The following KNDC1 variants were observed in gnomAD, a reference collection of about 807,000 sequenced individuals.
The protein encoded by KNDC1 is kinase non-catalytic C-lobe domain containing 1.
In KNDC1, 106 loss-of-function variants were observed where a neutral mutation model predicts 172.8. The ratio of observed to expected loss-of-function variants is 0.61; its 90% CI spans 0.52 to 0.72. The LOEUF is 0.72. Ranked by LOEUF, KNDC1 falls within the 30% of genes least tolerant of loss-of-function variation. The pLI is 0.00. For synonymous variants in KNDC1, 1,083 were observed against 1,062.2 expected, an observed-to-expected ratio of 1.02 and a Z score of -0.38; for missense variants, 2,325 against 2,394.5, an observed-to-expected ratio of 0.97 and a Z score of 0.61.
intron 6 of KNDC1, 32 bp downstream of exon 6, chr10:133,186,706 G>C (rs778768611): frequency 6.6e-7 from 1 of 1,507,754 alleles, no homozygotes; most frequent in African/African-American, 1.4e-5. Context: ...GTGGGTGGAG[G>C]GGTCGGCGGT....
intron 9 of KNDC1, among the ~76,000 whole-genome samples, chr10:133,190,220 C>T (rs11101622): frequency 0.39 from 59,438 of 152,078 alleles, 13,455 homozygotes; most frequent in South Asian, 0.65. Context: ...CTCCTCCCAC[C>T]GAGGAAGAGC....
chr10:133,201,964 C>A, intron 17 of KNDC1, 66 bp downstream of exon 17: 2 of 1,487,706 alleles, frequency 1.3e-6, no homozygotes, highest in South Asian at 2.4e-5. Flanking sequence ...GCTTCCTGGT[C>A]ACTGCAGGTG....
At position 133,198,740 on chromosome 10, in the gene KNDC1, G is replaced by A; in HGVS notation, c.2232G>A (p.Glu744=). 1 of 1,578,504 alleles carries A rather than the reference G, an allele frequency of 6.3e-7. No individual in the cohort carries two copies. Among genetic ancestry groups the A allele is most frequent in the South Asian group, 1.2e-5 (1 of 86,640 alleles). The change falls in exon 14 of 30, where the codon GAG becomes GAA. Residue 744 remains glutamate, a synonymous_variant. Transcript: ENST00000304613. The part of the protein sequence containing the change: ...PGPGPQGAAP[E]PLGASVQRDS... ...CGGGGCCACAGGGAGCAGCCCCAGAGCCTCTTGGGGCGTCAGTGCAGCGTG... is the reference window on the plus strand; with the variant it reads ...CGGGGCCACAGGGAGCAGCCCCAGAACCTCTTGGGGCGTCAGTGCAGCGTG...
intron 3 of KNDC1, among the ~76,000 whole-genome samples, chr10:133,176,117 T>C (rs1203222766): frequency 6.6e-6 from 1 of 150,926 alleles, no homozygotes; most frequent in African/African-American, 2.4e-5. Context: ...TTGATAGGTG[T>C]ATGAACAGGC....
chr10:133,213,606 G>C, intron 24 of KNDC1, 39 bp from the exon 25 acceptor site: 1 of 1,581,922 alleles, frequency 6.3e-7, no homozygotes, highest in Non-Finnish European at 8.7e-7. Context: ...GGCCCTAAGG[G>C]ATGGAAGCCT....
At chr10:133,167,607 C>A in intron 2 of KNDC1, 28 bp downstream of exon 2, 1 of 1,551,988 alleles carries the variant, frequency 6.4e-7, no homozygotes. Context: ...GTGGCGGCGG[C>A]GGCGGGCACG....
In KNDC1 at chr10:133,201,798, C is replaced by T; in HGVS notation, c.3287C>T (p.Ala1096Val). 7 of 1,525,292 alleles carry T rather than the reference C, an allele frequency of 4.6e-6. No individual in the cohort carries two copies. The highest frequency in any genetic ancestry group is 6.1e-6 in the Non-Finnish European group (7 of 1,139,160). The allele number at this position is 1,525,292 out of a possible 1,614,324, so 94.5% of individuals were successfully genotyped here. A position where few individuals can be genotyped will look rare whatever the true frequency, so the allele number is the denominator to read the frequency against. ...AGCTGCAGCCCCGGCTGGTGCAGCG[C>T]CTTCTACGAGGCCGACTGCTTCGGG... ...FQSCSPGWCS[A>V]FYEADCFGAD... Residue 1096 changes from alanine to valine, a missense_variant, in exon 17 of 30, where the codon GCC becomes GTC. Transcript: ENST00000304613.
intron 20 of KNDC1, 95 bp from the exon 21 acceptor site, chr10:133,210,514 GCA>G: frequency 4.1e-6 from 3 of 731,912 alleles, no homozygotes; most frequent in Admixed American, 1.8e-5. Context: ...CAAAGAAAAC[GCA>G]CACACACATA....
chr10:133,211,839 A>G lies in KNDC1; in HGVS notation c.4217A>G (p.Glu1406Gly). ...AACGCCCTCTGTAAGAGGCTCTCAG[A>G]GGACGGCATCTCCAGGAAGGTGGGG... ...PFNALCKRLS[E>G]DGISRKSFPW... The change falls in exon 23 of 30, where the codon GAG becomes GGG. Residue 1406 changes from glutamate (E) to glycine (G), a missense_variant. Transcript: ENST00000304613. 6.2e-7 allele frequency: 1 copy of G among 1,607,868 alleles called. No homozygotes were observed. The highest frequency in any genetic ancestry group is 1.7e-4 in the Middle Eastern group (1 of 6,034).
intron 3 of KNDC1, among the ~76,000 whole-genome samples, chr10:133,172,469 G>A (rs958130540): frequency 1.3e-5 from 2 of 152,076 alleles, no homozygotes; most frequent in African/African-American, 2.4e-5. Context: ...ATTTACTAAC[G>A]CTTGCTTCAG....
chr10:133,177,997 CATGT>C (rs1042505601), intron 3 of KNDC1, among the ~76,000 whole-genome samples: 1 of 128,718 alleles, frequency 7.8e-6, no homozygotes. Context: ...GTGTGGTGTG[CATGT>C]ATGTGGTGTG....
At chr10:133,217,381 C>T (rs925564872) in intron 26 of KNDC1, among the ~76,000 whole-genome samples, 1 of 152,250 alleles carries the variant, frequency 6.6e-6, no homozygotes, top group Non-Finnish European at 1.5e-5. Flanking sequence ...GGGGTGAGCC[C>T]AGGATCACAT....
chr10:133,168,764 C>T (rs1307114610), intron 3 of KNDC1, among the ~76,000 whole-genome samples: 1 of 152,256 alleles, frequency 6.6e-6, no homozygotes, highest in Non-Finnish European at 1.5e-5. Context: ...AGACACAAGG[C>T]CTCCAGGCAC....
Position 133,206,863 on chromosome 10 carries a change from C to T in KNDC1, c.3489C>T (p.Asp1163=), listed in dbSNP as rs1265831878. ...LQKEKRNKGS[D]VKTMLSKLKG... is the part of the protein sequence containing the mutation. ...ACTCTGCTCCACCCACAGGTTCCGACGTCAAGACCATGCTGTCCAAGCTGA... is the reference window on the plus strand; with the variant it reads ...ACTCTGCTCCACCCACAGGTTCCGATGTCAAGACCATGCTGTCCAAGCTGA... The change falls in exon 19 of 30, where the codon GAC becomes GAT. Residue 1163 remains aspartate (D), a synonymous_variant. Coordinates refer to ENST00000304613, the MANE Select transcript of KNDC1 (RefSeq NM_152643.8). The T allele has an allele frequency of 6.2e-6, 10 of 1,614,112 alleles. No individual in the cohort carries two copies. Among genetic ancestry groups the T allele is most frequent in the South Asian group, 2.2e-5 (2 of 91,084 alleles).
At chr10:133,185,091 G>C (rs1853851158) in intron 5 of KNDC1, among the ~76,000 whole-genome samples, 1 of 152,282 alleles carries the variant, frequency 6.6e-6, no homozygotes, top group Non-Finnish European at 1.5e-5. Context: ...TCTCATGGTG[G>C]CCGGCAGGGC....
rs1361631209 is a variant in KNDC1 at position 133,160,373 on chromosome 10, G to A, written c.-95G>A. ...CGGCGGGCGGGCGGGGGCGGGCGAG[G>A]GCCGGGCGCGTCTCCATGGAGCCAG... On this transcript the variant is annotated 5_prime_UTR_variant, in exon 1 of 30. Coordinates refer to ENST00000304613, the MANE Select transcript of KNDC1 (RefSeq NM_152643.8). 3.7e-6 allele frequency: 2 copies of A among 544,400 alleles called. No homozygotes were observed. Among genetic ancestry groups the A allele is most frequent in the Non-Finnish European group, 5.2e-6 (2 of 385,310 alleles). The allele number at this position is 544,400 out of a possible 1,614,324, so 33.7% of individuals were successfully genotyped here. A position where few individuals can be genotyped will look rare whatever the true frequency, so the allele number is the denominator to read the frequency against.
At chr10:133,194,435 G>A (rs1408579344) in intron 9 of KNDC1, among the ~76,000 whole-genome samples, 1 of 152,188 alleles carries the variant, frequency 6.6e-6, no homozygotes, top group African/African-American at 2.4e-5. Context: ...GACTATATCA[G>A]TATCAGTATT....
At chr10:133,168,390 C>T (rs1591219589) in intron 3 of KNDC1, 78 bp downstream of exon 3, 2 of 1,444,808 alleles carry the variant, frequency 1.4e-6, no homozygotes, top group African/African-American at 1.4e-5. Context: ...CAGAAATGCA[C>T]CTGCCTTGGG....
intron 26 of KNDC1, among the ~76,000 whole-genome samples, chr10:133,216,009 A>G (rs1015586052): frequency 6.6e-6 from 1 of 152,260 alleles, no homozygotes; most frequent in African/African-American, 2.4e-5. Context: ...TCGTCCATCT[A>G]ACAAGTGTTA....
Sources: allele counts gnomAD v4.1 joint callset (sites outside exome capture counted in the v4.1 genomes callset), GRCh38; gene constraint gnomAD v4.1.1; transcripts MANE v1.5; gene names NCBI Gene and HGNC (gene_info 2026-07-23, HGNC 2026-07-21).